OSBPL10: variants seen among roughly 807,000 people sequenced by gnomAD.
OSBPL10 encodes oxysterol-binding protein-related protein 10.
In OSBPL10, 49 loss-of-function variants were observed where a neutral mutation model predicts 81.7. That is an observed-to-expected ratio of 0.60 (90% CI 0.48 to 0.76). OSBPL10 has a LOEUF of 0.76. Ranked by LOEUF, OSBPL10 falls within the 30% of genes least tolerant of loss-of-function variation. The pLI is 0.00. For synonymous variants in OSBPL10, 419 were observed against 383.6 expected, an observed-to-expected ratio of 1.09 and a Z score of -1.08; for missense variants, 923 against 987.8, an observed-to-expected ratio of 0.93 and a Z score of 0.88.
chr3:31,738,738 G>A (rs1697261046), intron 5 of OSBPL10, among the ~76,000 whole-genome samples: 2 of 152,138 alleles, frequency 1.3e-5, no homozygotes, highest in Admixed American at 6.6e-5. Context: ...AACCCATGCA[G>A]CCGAGCTCCA....
chr3:32,003,455 G>A (rs1699171039), intron 2 of OSBPL10, among the ~76,000 whole-genome samples: 1 of 152,172 alleles, frequency 6.6e-6, no homozygotes, highest in Non-Finnish European at 1.5e-5. Context: ...ATCCCATCCT[G>A]TTTCCTGAGG....
In OSBPL10 at chr3:31,745,154, C is replaced by A. The variant is rs78975970; in HGVS notation, c.940+2756G>T. Among the ~76,000 whole-genome samples, 248 of 152,334 alleles carry A rather than the reference C, an allele frequency of 1.6e-3. 1 individual carries two copies. Among genetic ancestry groups the A allele is most frequent in the African/African-American group, 5.7e-3 (236 of 41,566 alleles). ...GCGCCCTTGCTCCAGCGTGAATACA[C>A]GCAAATCTCCTAGACTGGATTCTGC... On this transcript the variant is annotated intron_variant, in intron 5 of 11. Transcript: ENST00000396556.
chr3:31,778,303 A>G (rs1250062237), intron 4 of OSBPL10, among the ~76,000 whole-genome samples: 1 of 152,122 alleles, frequency 6.6e-6, no homozygotes, highest in Non-Finnish European at 1.5e-5. Context: ...ACATAACCCT[A>G]TTGGCCTGAT....
intron 1 of OSBPL10, among the ~76,000 whole-genome samples, chr3:31,955,628 T>C (rs1697986636): frequency 6.6e-6 from 1 of 152,200 alleles, no homozygotes; most frequent in South Asian, 2.1e-4. Context: ...CTCTTTTCTT[T>C]TTGCCACAAG....
chr3:31,805,175 G>T (rs935909745), intron 4 of OSBPL10, among the ~76,000 whole-genome samples: 1 of 152,098 alleles, frequency 6.6e-6, no homozygotes, highest in Non-Finnish European at 1.5e-5. Flanking sequence ...TTCACGGAAG[G>T]TATTTCTGAC....
intron 4 of OSBPL10, among the ~76,000 whole-genome samples, chr3:31,765,960 T>C (rs1698182603): frequency 6.6e-6 from 1 of 151,952 alleles, no homozygotes; most frequent in Non-Finnish European, 1.5e-5. Context: ...AGAGCTACTC[T>C]TTCTTTCCTT....
At chr3:31,885,349 ACACT>A (rs35110317) in intron 1 of OSBPL10, among the ~76,000 whole-genome samples, 1,573 of 152,250 alleles carry the variant, frequency 0.01, 10 homozygotes, top group Middle Eastern at 0.024. Flanking sequence ...AGAGTGTGAC[ACACT>A]CACACATTCA....
chr3:31,960,253 C>G (rs1315370857), intron 1 of OSBPL10: 1 of 152,132 alleles, frequency 6.6e-6, no homozygotes, highest in Non-Finnish European at 1.5e-5. Flanking sequence ...GCACCTCATC[C>G]CTGGGCCCCT....
chr3:31,847,333 A>C (rs1039201477), intron 3 of OSBPL10, among the ~76,000 whole-genome samples: 2 of 151,948 alleles, frequency 1.3e-5, no homozygotes, highest in African/African-American at 4.8e-5. Flanking sequence ...AGAAGCTGGG[A>C]GTACAGGCGT....
chr3:31,933,758 A>G (rs1184312390), intron 1 of OSBPL10, among the ~76,000 whole-genome samples: 1 of 152,174 alleles, frequency 6.6e-6, no homozygotes, highest in Non-Finnish European at 1.5e-5. Context: ...AGAACACCCT[A>G]GGACAATCCA....
At chr3:31,911,358 G>A (rs1696571970) in intron 1 of OSBPL10, among the ~76,000 whole-genome samples, 1 of 152,158 alleles carries the variant, frequency 6.6e-6, no homozygotes, top group Admixed American at 6.5e-5. Flanking sequence ...TAATCTTAAA[G>A]CTACTCTCAT....
chr3:31,958,722 T>C (rs1698076945), intron 1 of OSBPL10, among the ~76,000 whole-genome samples: 1 of 152,186 alleles, frequency 6.6e-6, no homozygotes, highest in Non-Finnish European at 1.5e-5. Flanking sequence ...TGTTTCGGCT[T>C]TGTGTTCCAA....
At chr3:31,726,745 T>C (rs539762799) in intron 6 of OSBPL10, among the ~76,000 whole-genome samples, 3 of 152,144 alleles carry the variant, frequency 2.0e-5, no homozygotes, top group African/African-American at 7.2e-5. Flanking sequence ...GGAGGAGGAA[T>C]GGAAGAAACT....
chr3:31,754,041 A>G (rs1002281572), intron 4 of OSBPL10, among the ~76,000 whole-genome samples: 1 of 152,130 alleles, frequency 6.6e-6, no homozygotes, highest in African/African-American at 2.4e-5. Context: ...CACCTGAACA[A>G]TTTTGTCTTC....
chr3:31,703,608 T>C (rs1695965903), intron 6 of OSBPL10: 1 of 152,210 alleles, frequency 6.6e-6, no homozygotes, highest in Non-Finnish European at 1.5e-5. Context: ...TTGTCTGGCC[T>C]TACATACCCA....
chr3:31,899,339 A>T (rs1236363903), intron 1 of OSBPL10, among the ~76,000 whole-genome samples: 3 of 152,356 alleles, frequency 2.0e-5, no homozygotes, highest in African/African-American at 7.2e-5. Context: ...GAAGAAAAAA[A>T]TAGAATATAA....
intron 1 of OSBPL10, among the ~76,000 whole-genome samples, chr3:32,075,734 C>G (rs1250301407): frequency 6.6e-6 from 1 of 152,204 alleles, no homozygotes; most frequent in African/African-American, 2.4e-5. Context: ...CACCTCACCA[C>G]TATTTTGTTT....
intron 1 of OSBPL10, among the ~76,000 whole-genome samples, chr3:31,975,307 T>C (rs1559539193): frequency 6.6e-6 from 1 of 152,202 alleles, no homozygotes; most frequent in African/African-American, 2.4e-5. Flanking sequence ...ATTTCCTATG[T>C]ACACGCGGAC....
chr3:31,871,540 C>T lies in OSBPL10; in HGVS notation c.537+4893G>A, dbSNP rs1453754587. Among the ~76,000 whole-genome samples the T allele has an allele frequency of 2.6e-5, 4 of 152,234 alleles. No individual in the cohort carries two copies. The East Asian group carries it at 7.7e-4, about 29-fold the overall frequency. ...CCGGACACACTGTAACACCACTTTT[C>T]CTATCCTAGAAGTTTCCTAAGACCA... On this transcript the variant is annotated intron_variant, in intron 3 of 11. Coordinates refer to ENST00000396556, the MANE Select transcript of OSBPL10 (RefSeq NM_017784.5).
Sources: allele counts gnomAD v4.1 joint callset (sites outside exome capture counted in the v4.1 genomes callset), GRCh38; gene constraint gnomAD v4.1.1; transcripts MANE v1.5; gene names NCBI Gene and HGNC (gene_info 2026-07-23, HGNC 2026-07-21).